Variants in CYLC1 observed in about 807,000 individuals in gnomAD.
CYLC1 encodes cylicin 1.
In CYLC1, 2 loss-of-function variants were observed where a neutral mutation model predicts 31.6. The ratio of observed to expected loss-of-function variants is 0.06; its 90% CI spans 0.03 to 0.20. The LOEUF (loss-of-function observed/expected upper bound fraction) is 0.20. Among genes scored for constraint, CYLC1 ranks in the 10% least tolerant of loss-of-function variants. The pLI is 1.00. For synonymous variants in CYLC1, 185 were observed against 153.0 expected, an observed-to-expected ratio of 1.21 and a Z score of -1.54; for missense variants, 595 against 424.1, an observed-to-expected ratio of 1.40 and a Z score of -3.54.
At chrX:83,885,460 A>T (rs190826123) in intron 4 of CYLC1, among the ~76,000 whole-genome samples, 1 of 109,706 alleles carries the variant, frequency 9.1e-6, no homozygotes, top group Non-Finnish European at 1.9e-5. Context: ...GCACCTAGTA[A>T]TGCGACTATT....
intron 1 of CYLC1, among the ~76,000 whole-genome samples, chrX:83,865,801 G>C (rs1209506044): frequency 2.7e-5 from 3 of 111,235 alleles, no homozygotes; most frequent in Non-Finnish European, 5.7e-5. Context: ...ATAACACTGA[G>C]GACCCACCTG....
chrX:83,879,061 C>T lies in CYLC1; in HGVS notation c.1923+4430C>T, dbSNP rs373303697. Among the ~76,000 whole-genome samples the T allele has an allele frequency of 2.8e-4, 31 of 109,798 alleles. No homozygotes were observed. In the South Asian group the frequency reaches 4.3e-3, roughly 15 times the overall value. On this transcript the variant is annotated intron_variant, in intron 4 of 4. Coordinates refer to ENST00000329312, the MANE Select transcript of CYLC1 (RefSeq NM_021118.3). Reference sequence around the variant, plus strand: ...TATAAATCTTAGCAATATTCTCAAACGTAAGTGAAGAATTCTTTATATTCC... The same window carrying T: ...TATAAATCTTAGCAATATTCTCAAATGTAAGTGAAGAATTCTTTATATTCC...
intron 2 of CYLC1, among the ~76,000 whole-genome samples, chrX:83,870,428 G>C (rs923798095): frequency 9.0e-6 from 1 of 111,282 alleles, no homozygotes; most frequent in Non-Finnish European, 1.9e-5. Context: ...GGGCTCTGGG[G>C]CCAAAGTACC....
At chrX:83,862,537 C>A (rs1410662210) in intron 1 of CYLC1, among the ~76,000 whole-genome samples, 2 of 110,333 alleles carry the variant, frequency 1.8e-5, no homozygotes, top group African/African-American at 6.6e-5. Context: ...AGCGAGACTC[C>A]GTCTCAAAAA....
At chrX:83,862,946 C>T (rs1188908860) in intron 1 of CYLC1, among the ~76,000 whole-genome samples, 3 of 111,688 alleles carry the variant, frequency 2.7e-5, no homozygotes, top group Non-Finnish European at 5.6e-5. Context: ...TTCCTCAATG[C>T]TATTTCCAGG....
chrX:83,882,751 C>T (rs2031929478), intron 4 of CYLC1, among the ~76,000 whole-genome samples: 1 of 111,190 alleles, frequency 9.0e-6, no homozygotes, highest in African/African-American at 3.3e-5. Flanking sequence ...CTTAAATTTT[C>T]ACTTCTTTGT....
intron 4 of CYLC1, among the ~76,000 whole-genome samples, chrX:83,880,263 T>C (rs1353038275): frequency 8.9e-6 from 1 of 111,752 alleles, no homozygotes; most frequent in Non-Finnish European, 1.9e-5. Context: ...TTCTTGGCTG[T>C]CCGTATTAGT....
chrX:83,882,581 GCTA>G (rs1235263808), intron 4 of CYLC1, among the ~76,000 whole-genome samples: 1 of 110,264 alleles, frequency 9.1e-6, no homozygotes, highest in Non-Finnish European at 1.9e-5. Context: ...TTTCTTTCTT[GCTA>G]CTACTTTTCT....
In CYLC1 at chrX:83,874,624, C is replaced by A; in HGVS notation, c.1916C>A (p.Ala639Asp). Residue 639 changes from alanine (A) to aspartate (D), a missense_variant, in exon 4 of 5, where the codon GCT becomes GAT. Coordinates refer to ENST00000329312, the MANE Select transcript of CYLC1 (RefSeq NM_021118.3). ...CCTCCACCTCCAAAACCAAGATATG[C>A]TCCTTTGGTAAGTTTACTACTGTTT... Reference protein sequence around the residue: ...MPPPPPKPRYAPLPEAPWIHK... With the variant: ...MPPPPPKPRYDPLPEAPWIHK... 1 of 1,191,279 alleles carries A rather than the reference C, an allele frequency of 8.4e-7. No individual in the cohort carries two copies. Among genetic ancestry groups the A allele is most frequent in the Admixed American group, 2.4e-5 (1 of 42,263 alleles).
At chrX:83,874,789 A>G (rs2031736652) in intron 4 of CYLC1, among the ~76,000 whole-genome samples, 158 bp downstream of exon 4, 1 of 111,706 alleles carries the variant, frequency 9.0e-6, no homozygotes, top group African/African-American at 3.2e-5. Flanking sequence ...ATACCTCACA[A>G]GGATGCAAAA....
intron 4 of CYLC1, among the ~76,000 whole-genome samples, chrX:83,881,112 C>G (rs1278864258): frequency 9.3e-6 from 1 of 108,028 alleles, no homozygotes; most frequent in Non-Finnish European, 1.9e-5. Flanking sequence ...TTCACTGTTG[C>G]TATTCAAGGA....
chrX:83,871,151 C>G (rs2031657728), intron 2 of CYLC1, among the ~76,000 whole-genome samples: 1 of 110,399 alleles, frequency 9.1e-6, no homozygotes, highest in Non-Finnish European at 1.9e-5. Flanking sequence ...TCTCTATTTT[C>G]TATTCCTACT....
Position 83,873,980 on chromosome X carries a change from G to A in CYLC1, c.1272G>A (p.Lys424=), listed in dbSNP as rs1346748681. ...ESKESQKDEK[K]DKKDSKTDNK... Reference sequence around the variant, plus strand: ...AGGAGAGTCAGAAAGATGAAAAAAAGGATAAAAAAGATTCAAAGACAGATA... The same window carrying A: ...AGGAGAGTCAGAAAGATGAAAAAAAAGATAAAAAAGATTCAAAGACAGATA... The change falls in exon 4 of 5, where the codon AAG becomes AAA. Residue 424 remains lysine (K), a synonymous_variant. Transcript: ENST00000329312. The A allele has an allele frequency of 4.3e-6, 5 of 1,175,987 alleles. No homozygotes were observed. In the Admixed American group the frequency reaches 1.2e-4, roughly 29 times the overall value.
Position 83,873,484 on chromosome X carries a change from T to C in CYLC1, c.776T>C (p.Ile259Thr). Residue 259 changes from isoleucine to threonine, a missense_variant, in exon 4 of 5, where the codon ATA becomes ACA. Ile to Thr is a moderately conservative substitution (Grantham distance 89). Coordinates refer to ENST00000329312, the MANE Select transcript of CYLC1 (RefSeq NM_021118.3). ...MLVGQSDDES[I>T]NFDAWLRNYS... ...GTGGGACAGTCTGATGATGAATCCA[T>C]AAATTTTGATGCATGGTTAAGGAAT... The C allele has an allele frequency of 8.4e-7, 1 of 1,191,612 alleles. No individual in the cohort carries two copies. The highest frequency in any genetic ancestry group is 1.1e-6 in the Non-Finnish European group (1 of 881,212).
At chrX:83,869,986 A>C in intron 2 of CYLC1, 81 bp downstream of exon 2, 1 of 542,529 alleles carries the variant, frequency 1.8e-6, no homozygotes. Context: ...TATTCCATTA[A>C]ATGTGATAAA....
At chrX:83,866,164 C>T (rs951884679) in intron 1 of CYLC1, among the ~76,000 whole-genome samples, 4 of 111,328 alleles carry the variant, frequency 3.6e-5, no homozygotes, top group Non-Finnish European at 7.5e-5. Flanking sequence ...ATCTGTAGAA[C>T]TGTAAAATTA....
intron 4 of CYLC1, among the ~76,000 whole-genome samples, chrX:83,877,228 G>C (rs1187982710): frequency 9.0e-6 from 1 of 110,653 alleles, no homozygotes; most frequent in Non-Finnish European, 1.9e-5. Flanking sequence ...TGTCCTGACT[G>C]AATCCACTTT....
chrX:83,865,473 A>C (rs1277272742), intron 1 of CYLC1, among the ~76,000 whole-genome samples: 1 of 111,968 alleles, frequency 8.9e-6, no homozygotes, highest in East Asian at 2.8e-4. Flanking sequence ...TGTGCATGTT[A>C]CCTTGATTAG....
At chrX:83,864,229 A>G (rs1042714083) in intron 1 of CYLC1, among the ~76,000 whole-genome samples, 15 of 111,882 alleles carry the variant, frequency 1.3e-4, no homozygotes, top group Non-Finnish European at 2.3e-4. Context: ...AGATGTTAGA[A>G]CTTAAATATA....
Sources: gnomAD v4.1 joint callset for allele counts (sites outside exome capture counted in the v4.1 genomes callset) on GRCh38, gnomAD v4.1.1 for gene constraint, MANE v1.5 for transcripts, NCBI Gene and HGNC (gene_info 2026-07-23, HGNC 2026-07-21) for gene names.